Variants in AGPAT4 observed in about 807,000 individuals in gnomAD.
AGPAT4 encodes the protein 1-acylglycerol-3-phosphate O-acyltransferase 4.
In AGPAT4, 15 loss-of-function variants were observed where a neutral mutation model predicts 48.0. The ratio of observed to expected loss-of-function variants is 0.31; its 90% CI spans 0.21 to 0.48. The LOEUF is 0.48. Among genes scored for constraint, AGPAT4 ranks in the 20% least tolerant of loss-of-function variants. The probability of loss-of-function intolerance (pLI) is 0.99; values close to 1 mark genes in which losing one functional copy is unlikely to be tolerated. For synonymous variants in AGPAT4, 178 were observed against 198.7 expected (o/e 0.90, Z 0.88); for missense variants, 314 against 482.5 (o/e 0.65, Z 3.27).
intron 1 of AGPAT4, among the ~76,000 whole-genome samples, chr6:161,247,744 A>G (rs1782694307): frequency 6.6e-6 from 1 of 152,162 alleles, no homozygotes. Context: ...AGATTTTGGG[A>G]GGCTGAGGTA....
At position 161,197,260 on chromosome 6, in the gene AGPAT4, C is replaced by A. The variant is rs1178066937; in HGVS notation, c.179-30843G>T. 1.3e-5 allele frequency among the ~76,000 whole-genome samples: 2 copies of A among 152,168 alleles called. No homozygotes were observed. Among genetic ancestry groups the A allele is most frequent in the African/African-American group, 4.8e-5 (2 of 41,440 alleles). ...GAGCGCTTTCAGAGAGGGGCCAGGG[C>A]ACGTAAGCCCTGACCTTGCACTGCT... On this transcript the variant is annotated intron_variant, in intron 2 of 8. Coordinates refer to ENST00000320285, the MANE Select transcript of AGPAT4 (RefSeq NM_020133.3). This position sits in a 1 kb window ranked among gnomAD's most constrained non-coding sequence, Gnocchi z 5.7.
chr6:161,135,756 T>C lies in AGPAT4; in HGVS notation c.*784A>G, dbSNP rs1324542717. On this transcript the variant is annotated 3_prime_UTR_variant, in exon 9 of 9. Coordinates refer to ENST00000320285, the MANE Select transcript of AGPAT4 (RefSeq NM_020133.3). ...TGTTTGTGTTCAATTTCAAGATCCA[T>C]TTCTTCAGGGAGTTGGGTCCATCTT... 3 of 152,322 alleles carry C rather than the reference T, an allele frequency of 2.0e-5. No individual in the cohort carries two copies. The highest frequency in any genetic ancestry group is 3.8e-4 in the East Asian group (2 of 5,200). The allele number at this position is 152,322 out of a possible 1,614,324, so 9.4% of individuals were successfully genotyped here.
chr6:161,149,076 A>G lies in AGPAT4; in HGVS notation c.767+111T>C. On this transcript the variant is annotated intron_variant, in intron 6 of 8. Coordinates refer to ENST00000320285, the MANE Select transcript of AGPAT4 (RefSeq NM_020133.3). This position sits in a 1 kb window ranked among gnomAD's most constrained non-coding sequence, Gnocchi z 6.5. Reference sequence around the variant, plus strand: ...CAAATTCAATGCAAAACAGACTGCAAAGAAGTCAGTGTGACCCAGGGATCC... The same window carrying G: ...CAAATTCAATGCAAAACAGACTGCAGAGAAGTCAGTGTGACCCAGGGATCC... 7.2e-7 allele frequency: 1 copy of G among 1,392,844 alleles called. No individual in the cohort carries two copies. The highest frequency in any genetic ancestry group is 9.5e-7 in the Non-Finnish European group (1 of 1,048,180). 86.3% of individuals were successfully genotyped at this position (1,392,844 alleles called of 1,614,324 possible). A position where few individuals can be genotyped will look rare whatever the true frequency, so the allele number is the denominator to read the frequency against.
At chr6:161,168,124 T>TGGGGGGGG (rs202066669) in intron 2 of AGPAT4, among the ~76,000 whole-genome samples, 1 of 111,594 alleles carries the variant, frequency 9.0e-6, no homozygotes, top group African/African-American at 4.8e-5. Flanking sequence ...AGGAAGGCGG[T>TGGGGGGGG]GGTGGGGTGG....
Position 161,196,313 on chromosome 6 carries a change from T to C in AGPAT4, c.179-29896A>G, listed in dbSNP as rs368268840. ...GGTGTCCTGGAAACTATGAAAGTGT[T>C]TGAAAAGGAAAAAAAAGAGGCAGTC... On this transcript the variant is annotated intron_variant, in intron 2 of 8. Transcript: ENST00000320285. The surrounding 1 kb of genome is among the most constrained non-coding windows in gnomAD (Gnocchi z 4.3). 4.9e-4 allele frequency among the ~76,000 whole-genome samples: 74 copies of C among 151,812 alleles called. No homozygotes were observed. The highest frequency in any genetic ancestry group is 1.5e-3 in the African/African-American group (63 of 41,322).
intron 1 of AGPAT4, among the ~76,000 whole-genome samples, chr6:161,256,682 T>A (rs1352780721): frequency 6.6e-6 from 1 of 152,206 alleles, no homozygotes; most frequent in Non-Finnish European, 1.5e-5. Context: ...CCCTGCAGCC[T>A]GTACACAGTC....
At chr6:161,185,004 G>A (rs1239226349) in intron 2 of AGPAT4, among the ~76,000 whole-genome samples, 1 of 151,956 alleles carries the variant, frequency 6.6e-6, no homozygotes, top group African/African-American at 2.4e-5. Flanking sequence ...GGCAGTGCTG[G>A]GCTTTTCACA....
In AGPAT4 at chr6:161,182,983, G is replaced by A. The variant is rs573339949; in HGVS notation, c.179-16566C>T. 2.0e-5 allele frequency among the ~76,000 whole-genome samples: 3 copies of A among 152,288 alleles called. No individual in the cohort carries two copies. In the South Asian group the frequency reaches 6.2e-4, roughly 32 times the overall value. Reference sequence around the variant, plus strand: ...ACTGGCTTGAGTGAGGATAACAAGAGGCAGGGAGAGGCCTGGCACTTCCCA... The same window carrying A: ...ACTGGCTTGAGTGAGGATAACAAGAAGCAGGGAGAGGCCTGGCACTTCCCA... On this transcript the variant is annotated intron_variant, in intron 2 of 8. Coordinates refer to ENST00000320285, the MANE Select transcript of AGPAT4 (RefSeq NM_020133.3).
rs1583296433 is a variant in AGPAT4 at position 161,166,406 on chromosome 6, G to A, written c.190C>T (p.Leu64=). ...TCCGTGCCCGACCACCACTCCAGCA[G>A]CATCACCAGCTCTGGAACAAACCAC... ...SYCISSQLVM[L]LEWWSGTECT... Residue 64 remains leucine, a synonymous_variant, in exon 3 of 9, where the codon CTG becomes TTG. Coordinates refer to ENST00000320285, the MANE Select transcript of AGPAT4 (RefSeq NM_020133.3). The surrounding 1 kb of genome is among the most constrained non-coding windows in gnomAD (Gnocchi z 6.7). The A allele has an allele frequency of 6.2e-7, 1 of 1,607,528 alleles. No individual in the cohort carries two copies. Among genetic ancestry groups the A allele is most frequent in the Non-Finnish European group, 8.5e-7 (1 of 1,176,528 alleles).
chr6:161,236,155 C>T lies in AGPAT4; in HGVS notation c.-89-3853G>A, dbSNP rs3798940. 0.44 allele frequency among the ~76,000 whole-genome samples: 66,899 copies of T among 151,938 alleles called. 15,445 individuals carry two copies. Among genetic ancestry groups the T allele is most frequent in the African/African-American group, 0.56 (23,093 of 41,418 alleles). On this transcript the variant is annotated intron_variant, in intron 1 of 8. Coordinates refer to ENST00000320285, the MANE Select transcript of AGPAT4 (RefSeq NM_020133.3). This position sits in a 1 kb window ranked among gnomAD's most constrained non-coding sequence, Gnocchi z 5.0. ...GCAAATCCACTTCAGTGGCTTATTA[C>T]ATGAGGCAAGAATATGACAAAGAAC...
rs1431612097 is a variant in AGPAT4, at chr6:161,197,554, C to A, written c.179-31137G>T. On this transcript the variant is annotated intron_variant, in intron 2 of 8. Coordinates refer to ENST00000320285, the MANE Select transcript of AGPAT4 (RefSeq NM_020133.3). This position sits in a 1 kb window ranked among gnomAD's most constrained non-coding sequence, Gnocchi z 5.7. ...CCTCAGCCCTCTAGGAATGTACCGA[C>A]TGATGTACGCATTACTCCTGGGGCT... Among the ~76,000 whole-genome samples, 1 of 152,226 alleles carries A rather than the reference C, an allele frequency of 6.6e-6. No individual in the cohort carries two copies. Among genetic ancestry groups the A allele is most frequent in the Non-Finnish European group, 1.5e-5 (1 of 68,050 alleles).
rs1277518598 is a variant in AGPAT4 at position 161,219,283 on chromosome 6, C to T, written c.178+12753G>A. 6.6e-6 allele frequency among the ~76,000 whole-genome samples: 1 copy of T among 151,586 alleles called. No individual in the cohort carries two copies. The highest frequency in any genetic ancestry group is 1.5e-5 in the Non-Finnish European group (1 of 67,962). ...ATTAAATATGCACCATTAGCATATA[C>T]AACTTTTATATATGTAAAATTTGTA... On this transcript the variant is annotated intron_variant, in intron 2 of 8. Coordinates refer to ENST00000320285, the MANE Select transcript of AGPAT4 (RefSeq NM_020133.3). This position sits in a 1 kb window ranked among gnomAD's most constrained non-coding sequence, Gnocchi z 4.9.
rs895310764 is a variant in AGPAT4 at position 161,214,662 on chromosome 6, G to A, written c.178+17374C>T. 2.0e-5 allele frequency among the ~76,000 whole-genome samples: 3 copies of A among 152,126 alleles called. No individual in the cohort carries two copies. Among genetic ancestry groups the A allele is most frequent in the Non-Finnish European group, 4.4e-5 (3 of 68,020 alleles). ...CACACACCTGTAGTCCCAGCTACTC[G>A]GGAGGCTGAGGCAGGAGAATCACTT... On this transcript the variant is annotated intron_variant, in intron 2 of 8. Transcript: ENST00000320285. This position sits in a 1 kb window ranked among gnomAD's most constrained non-coding sequence, Gnocchi z 5.4.
intron 1 of AGPAT4, among the ~76,000 whole-genome samples, chr6:161,258,671 C>CA (rs1463940305): frequency 4.9e-4 from 75 of 151,888 alleles, no homozygotes; most frequent in Non-Finnish European, 2.5e-4. Flanking sequence ...CCACTCCCCG[C>CA]AAAAAACACA....
At chr6:161,185,327 G>A (rs1434109270) in intron 2 of AGPAT4, among the ~76,000 whole-genome samples, 16 of 122,372 alleles carry the variant, frequency 1.3e-4, no homozygotes, top group African/African-American at 3.2e-4. Context: ...GTCTCACTCC[G>A]TCACCCAGGC....
intron 2 of AGPAT4, among the ~76,000 whole-genome samples, chr6:161,170,303 T>C (rs1162876446): frequency 1.3e-5 from 2 of 152,110 alleles, no homozygotes; most frequent in African/African-American, 4.8e-5. Context: ...TGTCTACATA[T>C]CTCCCAGTGG....
rs751628772 is a variant in AGPAT4 at position 161,131,032 on chromosome 6, C to T, written c.*5508G>A. The stretch of plus-strand genomic sequence containing the variant: ...TTGGAAATGCAAAGGAATTATTATG[C>T]AGCAATCTTAACTTTGTGTACATAC... On this transcript the variant is annotated 3_prime_UTR_variant, in exon 9 of 9. Coordinates refer to ENST00000320285, the MANE Select transcript of AGPAT4 (RefSeq NM_020133.3). 4 of 397,790 alleles carry T rather than the reference C, an allele frequency of 1.0e-5. No homozygotes were observed. Among genetic ancestry groups the T allele is most frequent in the African/African-American group, 6.0e-5 (3 of 49,774 alleles). The allele number at this position is 397,790 out of a possible 1,614,324, so 24.6% of individuals were successfully genotyped here.
intron 2 of AGPAT4, among the ~76,000 whole-genome samples, chr6:161,179,357 C>A (rs370774703): frequency 6.6e-6 from 1 of 152,084 alleles, no homozygotes; most frequent in South Asian, 2.1e-4. Flanking sequence ...GATTGCAGTG[C>A]GGGGGGCTAG....
intron 1 of AGPAT4, among the ~76,000 whole-genome samples, chr6:161,265,406 T>C (rs1048316159): frequency 6.8e-6 from 1 of 146,494 alleles, no homozygotes; most frequent in Non-Finnish European, 1.5e-5. Flanking sequence ...GGTGCTGGAT[T>C]AGTACCCACC....
Sources: allele counts gnomAD v4.1 joint callset (sites outside exome capture counted in the v4.1 genomes callset), GRCh38; gene constraint gnomAD v4.1.1; non-coding constraint Gnocchi (gnomAD v3.1); transcripts MANE v1.5; gene names NCBI Gene and HGNC (gene_info 2026-07-23, HGNC 2026-07-21).